Variants in DPP6 observed in about 807,000 individuals in gnomAD.
The protein encoded by DPP6 is dipeptidyl peptidase like 6.
DPP6 carries 69 observed loss-of-function variants against 122.6 expected under a neutral mutation model. The ratio of observed to expected loss-of-function variants is 0.56; its 90% confidence interval spans 0.46 to 0.69. DPP6 has a LOEUF of 0.69. DPP6 is among the 30% of genes least tolerant of loss of function. DPP6 has a pLI of 0.00. For missense variants in DPP6, 928 were observed against 1,116.9 expected (o/e 0.83, Z 2.41); for synonymous variants, 418 against 433.1 (o/e 0.97, Z 0.43).
At chr7:153,749,367 C>T in the DPP6 span, among the ~76,000 whole-genome samples, 1 of 152,030 alleles carries the variant, frequency 6.6e-6, no homozygotes, top group East Asian at 2.0e-4. This position sits in a 1 kb window ranked among gnomAD's most constrained non-coding sequence, Gnocchi z 4.1. Context: ...GGAGGCAGAG[C>T]CCCTCCCCCT....
At chr7:154,513,902 A>G (rs2129846891) in intron 3 of DPP6, among the ~76,000 whole-genome samples, 1 of 152,238 alleles carries the variant, frequency 6.6e-6, no homozygotes, top group African/African-American at 2.4e-5. Context: ...ATTAGCCACA[A>G]CTAATTTCTT....
At chr7:154,443,384 C>T (rs947229077) in intron 1 of DPP6, among the ~76,000 whole-genome samples, 5 of 152,188 alleles carry the variant, frequency 3.3e-5, no homozygotes, top group Admixed American at 6.5e-5. Flanking sequence ...CATTCAACTT[C>T]TGTTGATAAC....
intron 1 of DPP6, among the ~76,000 whole-genome samples, chr7:154,053,957 G>T (rs1181909280): frequency 4.0e-5 from 6 of 148,254 alleles, no homozygotes; most frequent in Non-Finnish European, 7.4e-5. Context: ...GGGCTGCTAG[G>T]ACTTAGAAGG....
intron 16 of DPP6, among the ~76,000 whole-genome samples, chr7:154,831,763 T>C (rs1568899): frequency 0.81 from 122,600 of 152,108 alleles, 49,656 homozygotes; most frequent in East Asian, 0.99. Context: ...CGGGGTTTCT[T>C]TGCAATTCAT....
At chr7:154,305,558 C>G (rs749814930) in intron 1 of DPP6, 2 of 1,596,342 alleles carry the variant, frequency 1.3e-6, no homozygotes, top group African/African-American at 2.7e-5. Flanking sequence ...ACAGGTAATG[C>G]TGCTTTTGGG....
intron 8 of DPP6, among the ~76,000 whole-genome samples, chr7:154,750,861 G>C (rs1843344691): frequency 6.6e-6 from 1 of 152,182 alleles, no homozygotes; most frequent in Non-Finnish European, 1.5e-5. Flanking sequence ...ACAGTGGGAG[G>C]CTGCAGGTGT....
intron 1 of DPP6, among the ~76,000 whole-genome samples, chr7:153,995,938 G>T (rs1797411761): frequency 6.6e-6 from 1 of 152,196 alleles, no homozygotes; most frequent in Non-Finnish European, 1.5e-5. Context: ...AGCTATTTAT[G>T]TTATACTATA....
chr7:153,868,679 C>G, the DPP6 span, among the ~76,000 whole-genome samples: 38 of 152,238 alleles, frequency 2.5e-4, no homozygotes, highest in Admixed American at 2.1e-3. Flanking sequence ...TTAGTTATTT[C>G]TTACCTTCTG....
intron 6 of DPP6, among the ~76,000 whole-genome samples, chr7:154,667,613 C>T (rs1332170516): frequency 2.6e-5 from 4 of 152,212 alleles, no homozygotes; most frequent in African/African-American, 7.2e-5. Flanking sequence ...ATCCCAGCTA[C>T]TTGGGAGGCT....
chr7:153,806,213 C>T, the DPP6 span, among the ~76,000 whole-genome samples: 1 of 151,772 alleles, frequency 6.6e-6, no homozygotes, highest in Non-Finnish European at 1.5e-5. Flanking sequence ...CCTGCCCTGA[C>T]ACCTGGCTCA....
chr7:153,963,249 G>C (rs1373845535), intron 1 of DPP6, among the ~76,000 whole-genome samples: 1 of 151,918 alleles, frequency 6.6e-6, no homozygotes, highest in Non-Finnish European at 1.5e-5. Flanking sequence ...GAGTGGCCAC[G>C]CTCATAAGGA....
intron 16 of DPP6, among the ~76,000 whole-genome samples, chr7:154,830,775 C>T (rs1353275471): frequency 1.3e-5 from 2 of 152,234 alleles, no homozygotes; most frequent in South Asian, 2.1e-4. Context: ...CCTCCAAGCA[C>T]ACACCGTGCA....
chr7:154,431,488 TTTC>T (rs1464580936), intron 1 of DPP6, among the ~76,000 whole-genome samples: 1 of 109,046 alleles, frequency 9.2e-6, no homozygotes, highest in Non-Finnish European at 1.9e-5. Context: ...TTTCTTTTCT[TTTC>T]TTTTCTTTTC....
chr7:154,717,145 A>G (rs1841533042), intron 7 of DPP6, among the ~76,000 whole-genome samples: 1 of 118,468 alleles, frequency 8.4e-6, no homozygotes, highest in Non-Finnish European at 2.0e-5. Context: ...GTGATGTTTC[A>G]ATACATGTAT....
chr7:153,930,231 T>C (rs914033305), intron 1 of DPP6, among the ~76,000 whole-genome samples: 3 of 152,238 alleles, frequency 2.0e-5, no homozygotes, highest in African/African-American at 7.2e-5. Flanking sequence ...TCCTCTTCTT[T>C]GCCTTTCTTC....
At chr7:154,290,344 C>G (rs1255209227) in intron 1 of DPP6, among the ~76,000 whole-genome samples, 2 of 152,092 alleles carry the variant, frequency 1.3e-5, no homozygotes, top group African/African-American at 4.8e-5. Flanking sequence ...CCAAAAATGT[C>G]CTAAACTGGT....
chr7:154,169,920 C>A (rs1797449462), intron 1 of DPP6, among the ~76,000 whole-genome samples: 1 of 152,078 alleles, frequency 6.6e-6, no homozygotes, highest in Non-Finnish European at 1.5e-5. Context: ...GATAGGGTTT[C>A]ACCATGTTGG....
chr7:154,859,331 A>C (rs1803120086), intron 17 of DPP6, among the ~76,000 whole-genome samples: 1 of 152,240 alleles, frequency 6.6e-6, no homozygotes, highest in Non-Finnish European at 1.5e-5. Context: ...GCAAGACAGG[A>C]GGCCTCGGGG....
chr7:154,722,598 C>A (rs1003412170), intron 7 of DPP6, among the ~76,000 whole-genome samples: 10 of 152,034 alleles, frequency 6.6e-5, no homozygotes, highest in Admixed American at 1.3e-4. Flanking sequence ...ATCTGGTGTG[C>A]AACGTATGAG....
Sources: gnomAD v4.1 joint callset for allele counts (sites outside exome capture counted in the v4.1 genomes callset) on GRCh38, gnomAD v4.1.1 for gene constraint, Gnocchi (gnomAD v3.1) non-coding constraint, MANE v1.5 for transcripts, NCBI Gene and HGNC (gene_info 2026-07-23, HGNC 2026-07-21) for gene names.